Variants in F13A1 observed in about 807,000 individuals in gnomAD.
The protein encoded by F13A1 is coagulation factor XIII A chain, also known as FSF, A subunit.
F13A1 carries 47 observed loss-of-function variants against 80.1 expected under a neutral mutation model. That is an observed-to-expected ratio of 0.59 (90% CI 0.46 to 0.75). The LOEUF (loss-of-function observed/expected upper bound fraction) is 0.75, where lower values mean the gene tolerates loss of function less well. Among genes scored for constraint, F13A1 ranks in the 30% least tolerant of loss-of-function variants. The pLI is 0.00. For synonymous variants in F13A1, 349 were observed against 344.9 expected, an observed-to-expected ratio of 1.01 and a Z score of -0.13; for missense variants, 817 against 930.4, an observed-to-expected ratio of 0.88 and a Z score of 1.59.
intron 11 of F13A1, among the ~76,000 whole-genome samples, chr6:6,178,289 T>C (rs892633779): frequency 2.6e-5 from 4 of 152,320 alleles, no homozygotes; most frequent in South Asian, 4.1e-4. Flanking sequence ...TGGACACTTA[T>C]TATGTGTCAG....
intron 10 of F13A1, among the ~76,000 whole-genome samples, chr6:6,195,272 C>T (rs538192505): frequency 1.3e-5 from 2 of 152,356 alleles, no homozygotes; most frequent in Non-Finnish European, 2.9e-5. Context: ...AGCCTCCAGG[C>T]TCCCCTTCCT....
chr6:6,274,440 T>A (rs776814001), intron 3 of F13A1, among the ~76,000 whole-genome samples: 4 of 152,188 alleles, frequency 2.6e-5, no homozygotes, highest in Admixed American at 6.5e-5. Context: ...GCTGACTACC[T>A]GGTCCCTGGC....
intron 8 of F13A1, among the ~76,000 whole-genome samples, chr6:6,210,075 T>A (rs549357209): frequency 0.015 from 2,229 of 149,622 alleles, 39 homozygotes; most frequent in Middle Eastern, 0.055. Flanking sequence ...AAAAAAAAAA[T>A]TAAAAATTAG....
At chr6:6,160,945 C>T (rs1760562825) in intron 13 of F13A1, among the ~76,000 whole-genome samples, 1 of 151,824 alleles carries the variant, frequency 6.6e-6, no homozygotes, top group Admixed American at 6.6e-5. Context: ...ATGTTTTCTC[C>T]TAGCAAAATT....
Position 6,250,959 on chromosome 6 carries a change from T to G in F13A1, c.572-30A>C, listed in dbSNP as rs373607790. The G allele has an allele frequency of 6.9e-7, 1 of 1,450,604 alleles. No homozygotes were observed. The highest frequency in any genetic ancestry group is 1.4e-5 in the African/African-American group (1 of 71,912). 89.9% of individuals were successfully genotyped at this position (1,450,604 alleles called of 1,614,324 possible). A position where few individuals can be genotyped will look rare whatever the true frequency, so the allele number is the denominator to read the frequency against. On this transcript the variant is annotated intron_variant, in intron 4 of 14. Coordinates refer to ENST00000264870, the MANE Select transcript of F13A1 (RefSeq NM_000129.4). This position sits in a 1 kb window ranked among gnomAD's most constrained non-coding sequence, Gnocchi z 4.2. The stretch of plus-strand genomic sequence containing the variant: ...ATCAGGGTTTAAACATAGTGACTAT[T>G]ACCAAACCAGACTGTTTCCAAACAC...
chr6:6,190,498 G>C lies in F13A1; in HGVS notation c.1305+5299C>G, dbSNP rs551628100. Reference sequence around the variant, plus strand: ...ATACCCTGCTGTGTAAGGTGTCAGTGTTCCCCTGCTGGGGGGTGCCTCCCA... The same window carrying C: ...ATACCCTGCTGTGTAAGGTGTCAGTCTTCCCCTGCTGGGGGGTGCCTCCCA... On this transcript the variant is annotated intron_variant, in intron 10 of 14. Coordinates refer to ENST00000264870, the MANE Select transcript of F13A1 (RefSeq NM_000129.4). 7.4e-3 allele frequency among the ~76,000 whole-genome samples: 1,102 copies of C among 149,574 alleles called. 32 individuals are homozygous for C. The highest frequency in any genetic ancestry group is 0.034 in the Middle Eastern group (10 of 290).
Position 6,146,238 on chromosome 6 carries a change from A to C in F13A1, c.2046-466T>G, listed in dbSNP as rs139391866. On this transcript the variant is annotated intron_variant, in intron 14 of 14. Coordinates refer to ENST00000264870, the MANE Select transcript of F13A1 (RefSeq NM_000129.4). Reference sequence around the variant, plus strand: ...CTGACACTCGAATTAGCTTTTGCCAACTCCCTTGGGATAGACCTTGTTCCC... The same window carrying C: ...CTGACACTCGAATTAGCTTTTGCCACCTCCCTTGGGATAGACCTTGTTCCC... 3.4e-3 allele frequency among the ~76,000 whole-genome samples: 523 copies of C among 152,148 alleles called. 4 individuals are homozygous for C. The highest frequency in any genetic ancestry group is 0.012 in the African/African-American group (479 of 41,528).
intron 3 of F13A1, among the ~76,000 whole-genome samples, chr6:6,292,884 C>G (rs1758243494): frequency 6.6e-6 from 1 of 152,186 alleles, no homozygotes. Context: ...CCCCATCCCT[C>G]TCCTCTGAAG....
intron 3 of F13A1, among the ~76,000 whole-genome samples, chr6:6,301,451 C>T (rs1446300664): frequency 1.3e-5 from 2 of 152,210 alleles, no homozygotes; most frequent in African/African-American, 2.4e-5. Flanking sequence ...AATAGAAAAT[C>T]TTCAAATACA....
intron 2 of F13A1, chr6:6,305,763 C>T (rs968563027): frequency 2.0e-5 from 11 of 539,004 alleles, no homozygotes; most frequent in Admixed American, 6.0e-5. Context: ...CCTTTGATCT[C>T]GTTTCAGACC....
chr6:6,190,359 C>G (rs1249944302), intron 10 of F13A1, among the ~76,000 whole-genome samples: 1 of 152,124 alleles, frequency 6.6e-6, no homozygotes, highest in African/African-American at 2.4e-5. Flanking sequence ...GTGGTTTTAT[C>G]TACTTTTGGT....
At chr6:6,222,296 T>C in intron 7 of F13A1, 125 bp from the exon 8 acceptor site, 1 of 1,277,284 alleles carries the variant, frequency 7.8e-7, no homozygotes, top group Non-Finnish European at 1.1e-6. Context: ...GACATGTTAT[T>C]CTCAAATGTT....
At chr6:6,212,933 T>A (rs1761645771) in intron 8 of F13A1, among the ~76,000 whole-genome samples, 1 of 151,916 alleles carries the variant, frequency 6.6e-6, no homozygotes, top group South Asian at 2.1e-4. Flanking sequence ...GTATCAGCGA[T>A]GGAAGATGAA....
At chr6:6,285,385 T>C (rs1476276141) in intron 3 of F13A1, among the ~76,000 whole-genome samples, 1 of 152,236 alleles carries the variant, frequency 6.6e-6, no homozygotes, top group African/African-American at 2.4e-5. Context: ...TTATAGAGAT[T>C]TGTAAACAGA....
At chr6:6,163,782 C>A (rs1760616465) in intron 13 of F13A1, among the ~76,000 whole-genome samples, 2 of 152,136 alleles carry the variant, frequency 1.3e-5, no homozygotes, top group Non-Finnish European at 2.9e-5. Context: ...CATATATGTG[C>A]ATGTATCTTT....
At chr6:6,189,495 C>G (rs1171172546) in intron 10 of F13A1, among the ~76,000 whole-genome samples, 1 of 139,158 alleles carries the variant, frequency 7.2e-6, no homozygotes, top group Non-Finnish European at 1.6e-5. Flanking sequence ...CTTAGTTTGG[C>G]TGAATATGAA....
chr6:6,210,267 T>A (rs1040927847), intron 8 of F13A1, among the ~76,000 whole-genome samples: 23 of 136,210 alleles, frequency 1.7e-4, no homozygotes, highest in Non-Finnish European at 3.7e-4. Context: ...ATACTAAAAA[T>A]TATTGAATTG....
At chr6:6,157,733 C>T (rs1760501678) in intron 13 of F13A1, among the ~76,000 whole-genome samples, 9 of 152,116 alleles carry the variant, frequency 5.9e-5, no homozygotes, top group Admixed American at 5.2e-4. Context: ...AGAGATGCCA[C>T]TTTTAAAAAG....
At chr6:6,195,258 G>C (rs1447051559) in intron 10 of F13A1, among the ~76,000 whole-genome samples, 1 of 152,198 alleles carries the variant, frequency 6.6e-6, no homozygotes, top group Non-Finnish European at 1.5e-5. Flanking sequence ...TCCTCTCTTA[G>C]AGTAGCCTCC....
Sources: gnomAD v4.1 joint callset for allele counts (sites outside exome capture counted in the v4.1 genomes callset) on GRCh38, gnomAD v4.1.1 for gene constraint, Gnocchi (gnomAD v3.1) non-coding constraint, MANE v1.5 for transcripts, NCBI Gene and HGNC (gene_info 2026-07-23, HGNC 2026-07-21) for gene names.